The following GLS variants were observed in gnomAD, a reference collection of about 807,000 sequenced individuals.
GLS encodes the protein glutaminase kidney isoform, mitochondrial.
Under a neutral mutation model 86.7 loss-of-function variants are expected in GLS, and 36 were observed. The observed-to-expected ratio is 0.42, with a 90% CI of 0.32 to 0.55. GLS has a LOEUF of 0.55. Among genes scored for constraint, GLS ranks in the 20% least tolerant of loss-of-function variants. The pLI, the probability that GLS is intolerant of heterozygous loss-of-function variation, is 0.17. For missense variants in GLS, 528 were observed against 833.4 expected, an observed-to-expected ratio of 0.63 and a Z score of 4.51; for synonymous variants, 317 against 305.9, an observed-to-expected ratio of 1.04 and a Z score of -0.38.
chr2:190,961,742 T>C (rs1231838882), intron 17 of GLS, among the ~76,000 whole-genome samples: 1 of 150,852 alleles, frequency 6.6e-6, no homozygotes, highest in Non-Finnish European at 1.5e-5. Flanking sequence ...TTTACTTACC[T>C]GATTTTAAAA....
chr2:190,881,640 C>T (rs1409788755), intron 1 of GLS, 170 bp downstream of exon 1: 4 of 592,452 alleles, frequency 6.8e-6, no homozygotes, highest in South Asian at 2.4e-5. Context: ...CCGGCCCCGC[C>T]CGCGCCTTCC....
chr2:190,882,808 T>G (rs1398948082), intron 1 of GLS, among the ~76,000 whole-genome samples: 1 of 152,242 alleles, frequency 6.6e-6, no homozygotes, highest in Non-Finnish European at 1.5e-5. Flanking sequence ...GTTAGATGAC[T>G]TAAATCCTTT....
intron 7 of GLS, among the ~76,000 whole-genome samples, chr2:190,915,808 G>A (rs1453615418): frequency 1.3e-5 from 2 of 152,166 alleles, no homozygotes; most frequent in Admixed American, 1.3e-4. Context: ...TTAAGGGTGT[G>A]AACCATTGTA....
intron 7 of GLS, among the ~76,000 whole-genome samples, chr2:190,918,440 A>G (rs937632333): frequency 2.6e-5 from 4 of 152,274 alleles, no homozygotes; most frequent in African/African-American, 7.2e-5. Flanking sequence ...CCTTTATAGA[A>G]TTGAAGAGAG....
intron 6 of GLS, among the ~76,000 whole-genome samples, chr2:190,907,334 C>T (rs558132728): frequency 4.3e-4 from 65 of 151,802 alleles, no homozygotes; most frequent in Non-Finnish European, 7.5e-4. Context: ...CTCGGCTCAC[C>T]GCAACCTCCG....
chr2:190,917,377 C>A (rs1165838580), intron 7 of GLS, among the ~76,000 whole-genome samples: 1 of 152,172 alleles, frequency 6.6e-6, no homozygotes, highest in East Asian at 1.9e-4. Flanking sequence ...ACTTTTAATT[C>A]TAGTTCTCTT....
intron 1 of GLS, 99 bp downstream of exon 1, chr2:190,881,569 C>T (rs909989630): frequency 2.1e-5 from 24 of 1,148,096 alleles, no homozygotes; most frequent in Middle Eastern, 6.0e-4. Context: ...AGCCGAGGGT[C>T]TAGAAAAGAG....
At chr2:190,889,372 C>T (rs1187479726) in intron 1 of GLS, among the ~76,000 whole-genome samples, 1 of 152,148 alleles carries the variant, frequency 6.6e-6, no homozygotes, top group Non-Finnish European at 1.5e-5. Context: ...TGTTGTTATT[C>T]ATCTCTACCT....
chr2:190,931,343 T>A (rs1482810552), intron 13 of GLS, among the ~76,000 whole-genome samples: 1 of 152,170 alleles, frequency 6.6e-6, no homozygotes, highest in Non-Finnish European at 1.5e-5. Context: ...AGCCCTAGGA[T>A]CATGTTAGTA....
intron 1 of GLS, among the ~76,000 whole-genome samples, chr2:190,894,314 G>A (rs1183775870): frequency 1.3e-5 from 2 of 151,854 alleles, no homozygotes; most frequent in Non-Finnish European, 2.9e-5. Context: ...TAAATGCTAT[G>A]TAAATAAGTC....
intron 5 of GLS, 76 bp downstream of exon 5, chr2:190,902,102 G>A: frequency 1.2e-6 from 1 of 811,198 alleles, no homozygotes; most frequent in Non-Finnish European, 2.2e-6. Flanking sequence ...ACATGGAGAA[G>A]ATCATCTTTT....
chr2:190,929,002 T>G (rs1690006238), intron 12 of GLS, among the ~76,000 whole-genome samples: 1 of 150,686 alleles, frequency 6.6e-6, no homozygotes, highest in Admixed American at 6.6e-5. Flanking sequence ...TTTATTTATT[T>G]TGAGACAGAG....
chr2:190,887,201 G>A (rs1356005959), intron 1 of GLS, among the ~76,000 whole-genome samples: 1 of 152,132 alleles, frequency 6.6e-6, no homozygotes, highest in African/African-American at 2.4e-5. Flanking sequence ...ATATCTCTCA[G>A]TGAGGTACAT....
At chr2:190,918,640 C>G (rs1029275675) in intron 7 of GLS, among the ~76,000 whole-genome samples, 1 of 152,126 alleles carries the variant, frequency 6.6e-6, no homozygotes, top group Non-Finnish European at 1.5e-5. Context: ...AAGGAAACTT[C>G]ATTTACAACT....
rs975901099 is a variant in GLS, at chr2:190,963,346, A to G, written c.*360A>G. 1 of 172,534 alleles carries G rather than the reference A, an allele frequency of 5.8e-6. No homozygotes were observed. The highest frequency in any genetic ancestry group is 6.0e-5 in the Admixed American group (1 of 16,740). The allele number at this position is 172,534 out of a possible 1,614,324, so 10.7% of individuals were successfully genotyped here. ...ATTTATAAAGTAAGCTCTGTTGTAC[A>G]GTCTGTCCAAATGGGTCAAGGTTGC... On this transcript the variant is annotated 3_prime_UTR_variant, in exon 18 of 18. Transcript: ENST00000320717.
chr2:190,961,689 G>GT (rs11386437), intron 17 of GLS, among the ~76,000 whole-genome samples: 17,388 of 135,706 alleles, frequency 0.13, 1,226 homozygotes, highest in Middle Eastern at 0.29. Context: ...TAATTCAGCT[G>GT]TTTTTTTTTT....
chr2:190,894,325 TTATAC>T (rs1414827410), intron 1 of GLS, among the ~76,000 whole-genome samples: 1 of 150,222 alleles, frequency 6.7e-6, no homozygotes, highest in African/African-American at 2.4e-5. Flanking sequence ...TAAATAAGTC[TTATAC>T]TATCTTTTGA....
At chr2:190,934,763 A>G (rs1344390158) in intron 14 of GLS, 2 of 972,998 alleles carry the variant, frequency 2.1e-6, no homozygotes, top group Admixed American at 6.2e-5. Context: ...TGTGTTGGTA[A>G]TGCTTTAAAT....
At chr2:190,918,920 G>T (rs1356214618) in intron 7 of GLS, among the ~76,000 whole-genome samples, 1 of 152,016 alleles carries the variant, frequency 6.6e-6, no homozygotes, top group Non-Finnish European at 1.5e-5. Context: ...ACATTTATAG[G>T]TTAAGTTGGC....
Sources: gnomAD v4.1 joint callset for allele counts (sites outside exome capture counted in the v4.1 genomes callset) on GRCh38, gnomAD v4.1.1 for gene constraint, MANE v1.5 for transcripts, NCBI Gene and HGNC (gene_info 2026-07-23, HGNC 2026-07-21) for gene names.